Variants in TRAPPC9 observed in about 807,000 individuals in gnomAD.
TRAPPC9 encodes the protein trafficking protein particle complex subunit 9.
Under a neutral mutation model 124.0 loss-of-function variants are expected in TRAPPC9, and 83 were observed. The ratio of observed to expected loss-of-function variants is 0.67; its 90% CI spans 0.56 to 0.80. TRAPPC9 has a LOEUF of 0.80. Ranked by LOEUF, TRAPPC9 falls within the 30% of genes least tolerant of loss-of-function variation. The probability of loss-of-function intolerance (pLI) is 0.00; values close to 1 mark genes in which losing one functional copy is unlikely to be tolerated. For missense variants in TRAPPC9, 1,302 were observed against 1,508.3 expected (o/e 0.86, Z 2.27); for synonymous variants, 638 against 617.5 (o/e 1.03, Z -0.49).
chr8:140,265,202 G>A (rs763064221), intron 15 of TRAPPC9, among the ~76,000 whole-genome samples: 1 of 152,140 alleles, frequency 6.6e-6, no homozygotes, highest in Non-Finnish European at 1.5e-5. Context: ...CCCAGGCCGC[G>A]CCCAGGCCAG....
intron 17 of TRAPPC9, among the ~76,000 whole-genome samples, chr8:140,089,472 G>A (rs1844423124): frequency 6.6e-6 from 1 of 152,166 alleles, no homozygotes; most frequent in Non-Finnish European, 1.5e-5. Flanking sequence ...GTGAAATAAG[G>A]GAAGACTTTA....
chr8:139,866,350 G>T (rs990843583), intron 21 of TRAPPC9, among the ~76,000 whole-genome samples: 1 of 152,144 alleles, frequency 6.6e-6, no homozygotes, highest in Non-Finnish European at 1.5e-5. Flanking sequence ...GATGGTCAGG[G>T]GGCCTTAGAA....
chr8:140,160,099 C>T (rs2061719419), intron 17 of TRAPPC9, among the ~76,000 whole-genome samples: 1 of 152,140 alleles, frequency 6.6e-6, no homozygotes, highest in East Asian at 1.9e-4. Context: ...CAATGAGATA[C>T]CATCTCACGC....
chr8:140,297,406 C>T (rs1003665572), intron 11 of TRAPPC9, among the ~76,000 whole-genome samples: 19 of 151,964 alleles, frequency 1.3e-4, no homozygotes, highest in African/African-American at 4.3e-4. Flanking sequence ...CATACAGATG[C>T]ATACACATAT....
chr8:140,287,697 G>A lies in TRAPPC9; in HGVS notation c.1892C>T (p.Pro631Leu). 1 of 1,614,192 alleles carries A rather than the reference G, an allele frequency of 6.2e-7. No homozygotes were observed. The highest frequency in any genetic ancestry group is 1.1e-5 in the South Asian group (1 of 91,080). Reference protein sequence around the residue: ...LTSGVEFESLPAALSLPAESG... With the variant: ...LTSGVEFESLLAALSLPAESG... ...TTCAGCCGGAAGAGAAAGCGCCGCAGGGAGAGACTCGAACTCCACTCCGCT... is the reference window on the plus strand; with the variant it reads ...TTCAGCCGGAAGAGAAAGCGCCGCAAGGAGAGACTCGAACTCCACTCCGCT... The change falls in exon 13 of 23, where the codon CCT (proline) becomes CTT (leucine). Residue 631 changes from proline to leucine, a missense_variant. Coordinates refer to ENST00000438773, the MANE Select transcript of TRAPPC9 (RefSeq NM_001160372.4).
At chr8:140,056,929 T>A (rs976424647) in intron 17 of TRAPPC9, among the ~76,000 whole-genome samples, 4 of 152,232 alleles carry the variant, frequency 2.6e-5, no homozygotes, top group African/African-American at 7.2e-5. Context: ...AAGGGATTAA[T>A]ATCCAAAACG....
Position 139,907,242 on chromosome 8 carries a change from C to T in TRAPPC9, c.2964+2905G>A, listed in dbSNP as rs1374634000. On this transcript the variant is annotated intron_variant, in intron 20 of 22. Coordinates refer to ENST00000438773, the MANE Select transcript of TRAPPC9 (RefSeq NM_001160372.4). The surrounding 1 kb of genome is among the most constrained non-coding windows in gnomAD (Gnocchi z 4.7). ...TGCTTCATAGACAGGTGTGCATCGA[C>T]CCAGTGCAAGATCCCCAATTTCCTT... 1.3e-5 allele frequency among the ~76,000 whole-genome samples: 2 copies of T among 152,154 alleles called. No individual in the cohort carries two copies. Among genetic ancestry groups the T allele is most frequent in the African/African-American group, 4.8e-5 (2 of 41,434 alleles).
At chr8:140,100,051 G>A (rs1036129710) in intron 17 of TRAPPC9, 1 of 148,006 alleles carries the variant, frequency 6.8e-6, no homozygotes, top group African/African-American at 2.5e-5. Flanking sequence ...CGGAACGAGT[G>A]CCGCAATCTT....
intron 17 of TRAPPC9, among the ~76,000 whole-genome samples, chr8:140,194,016 G>C (rs2062568640): frequency 6.6e-6 from 1 of 152,150 alleles, no homozygotes; most frequent in Non-Finnish European, 1.5e-5. Flanking sequence ...TGCTTCCTTG[G>C]AGCCACAAAT....
intron 17 of TRAPPC9, among the ~76,000 whole-genome samples, chr8:140,043,445 A>G (rs1309631178): frequency 6.6e-6 from 1 of 152,228 alleles, no homozygotes; most frequent in Non-Finnish European, 1.5e-5. Context: ...CCTCACCTTC[A>G]GTGATAAACC....
intron 21 of TRAPPC9, among the ~76,000 whole-genome samples, chr8:139,820,947 T>G (rs935753689): frequency 8.5e-5 from 13 of 152,368 alleles, no homozygotes; most frequent in Admixed American, 6.5e-4. Flanking sequence ...TTTATATATA[T>G]AGACATTCCT....
intron 17 of TRAPPC9, among the ~76,000 whole-genome samples, chr8:140,195,475 CAA>C (rs1041708053): frequency 2.0e-5 from 3 of 151,842 alleles, no homozygotes; most frequent in Non-Finnish European, 4.4e-5. Context: ...GACACTAAAA[CAA>C]TGATCCACCA....
At chr8:140,349,488 G>GGCACA in intron 9 of TRAPPC9, among the ~76,000 whole-genome samples, 2 of 152,050 alleles carry the variant, frequency 1.3e-5, no homozygotes, top group Non-Finnish European at 2.9e-5. Context: ...GCGAGGGAAG[G>GGCACA]CAGACGACCC....
Position 140,353,943 on chromosome 8 carries a change from A to G in TRAPPC9, c.1495+6107T>C, listed in dbSNP as rs1407004306. On this transcript the variant is annotated intron_variant, in intron 9 of 22. Coordinates refer to ENST00000438773, the MANE Select transcript of TRAPPC9 (RefSeq NM_001160372.4). This position sits in a 1 kb window ranked among gnomAD's most constrained non-coding sequence, Gnocchi z 4.2. ...AGCCCAGCATGCTGGAAGCTCTGACAGCGGCAGGCACAGGGCACGGGGAGC... is the reference window on the plus strand; with the variant it reads ...AGCCCAGCATGCTGGAAGCTCTGACGGCGGCAGGCACAGGGCACGGGGAGC... 6.6e-6 allele frequency among the ~76,000 whole-genome samples: 1 copy of G among 152,226 alleles called. No homozygotes were observed. Among genetic ancestry groups the G allele is most frequent in the Non-Finnish European group, 1.5e-5 (1 of 68,028 alleles).
chr8:139,818,493 T>A (rs1371788800), intron 21 of TRAPPC9, among the ~76,000 whole-genome samples: 2 of 152,116 alleles, frequency 1.3e-5, no homozygotes, highest in Non-Finnish European at 2.9e-5. Flanking sequence ...GGAGAATTGC[T>A]TGAACCCAGG....
At chr8:139,915,082 C>T (rs897269402) in intron 19 of TRAPPC9, among the ~76,000 whole-genome samples, 5 of 152,324 alleles carry the variant, frequency 3.3e-5, no homozygotes, top group East Asian at 1.9e-4. Context: ...GCAGAACTGA[C>T]GGCGAAGGCA....
intron 17 of TRAPPC9, among the ~76,000 whole-genome samples, chr8:140,086,340 G>A (rs767578015): frequency 1.8e-4 from 27 of 152,158 alleles, no homozygotes; most frequent in Non-Finnish European, 2.6e-4. Flanking sequence ...CAGAAGAAGC[G>A]GGGTAGAAAT....
chr8:140,214,458 G>C (rs1163698544), intron 17 of TRAPPC9, among the ~76,000 whole-genome samples: 1 of 152,220 alleles, frequency 6.6e-6, no homozygotes, highest in Non-Finnish European at 1.5e-5. Context: ...GCAGGACTGT[G>C]ACTGACCTGG....
chr8:140,032,826 C>T (rs749389383), intron 17 of TRAPPC9, among the ~76,000 whole-genome samples: 37 of 152,170 alleles, frequency 2.4e-4, no homozygotes, highest in South Asian at 4.1e-4. Context: ...AACTGAAAGT[C>T]GAACCATGTC....
Sources: allele counts gnomAD v4.1 joint callset (sites outside exome capture counted in the v4.1 genomes callset), GRCh38; gene constraint gnomAD v4.1.1; non-coding constraint Gnocchi (gnomAD v3.1); transcripts MANE v1.5; gene names NCBI Gene and HGNC (gene_info 2026-07-23, HGNC 2026-07-21).